Variants in PRKD3 observed in about 807,000 individuals in gnomAD.
PRKD3 encodes protein kinase D3.
Under a neutral mutation model 99.2 loss-of-function variants are expected in PRKD3, and 47 were observed. That is an observed-to-expected ratio of 0.47 (90% CI 0.38 to 0.60). PRKD3 has a LOEUF of 0.60. Ranked by LOEUF, PRKD3 falls within the 20% of genes least tolerant of loss-of-function variation. PRKD3 has a pLI of 0.00. For missense variants in PRKD3, 1,019 were observed against 1,088.4 expected (o/e 0.94, Z 0.90); for synonymous variants, 392 against 355.4 (o/e 1.10, Z -1.16).
chr2:37,293,315 T>A (rs1361704887), intron 2 of PRKD3, 44 bp from the exon 3 acceptor site: 1 of 1,459,290 alleles, frequency 6.9e-7, no homozygotes, highest in Admixed American at 2.0e-5. Flanking sequence ...CAGTTTTCTA[T>A]TTTTATAAGT....
rs1254032061 is a variant in PRKD3, at chr2:37,252,202, G to GTT, written c.*973_*974dup. 1 of 152,134 alleles carries GTT rather than the reference G, an allele frequency of 6.6e-6. No individual in the cohort carries two copies. Among genetic ancestry groups the GTT allele is most frequent in the Non-Finnish European group, 1.5e-5 (1 of 68,042 alleles). 9.4% of individuals were successfully genotyped at this position (152,134 alleles called of 1,614,324 possible). On this transcript the variant is annotated 3_prime_UTR_variant, in exon 19 of 19. Transcript: ENST00000234179. ...TAGGGGAAGGAGAAAAAAGGATACTGTTTGCTATACAGTAACTGTAGCATT... is the reference window on the plus strand; with the variant it reads ...TAGGGGAAGGAGAAAAAAGGATACTGTTTTTGCTATACAGTAACTGTAGCATT...
intron 1 of PRKD3, chr2:37,324,155 A>T: frequency 1.0e-6 from 1 of 985,006 alleles, no homozygotes; most frequent in Non-Finnish European, 1.2e-6. Flanking sequence ...CAGTCGGGAT[A>T]CTGGGGCGAG....
At chr2:37,322,437 A>G (rs1387865621) in intron 1 of PRKD3, among the ~76,000 whole-genome samples, 1 of 152,162 alleles carries the variant, frequency 6.6e-6, no homozygotes, top group Middle Eastern at 3.2e-3. Flanking sequence ...TGACAGTTGA[A>G]TCTCAGTCCT....
intron 17 of PRKD3, 57 bp from the exon 18 acceptor site, chr2:37,254,346 T>G: frequency 7.4e-7 from 1 of 1,360,402 alleles, no homozygotes; most frequent in Non-Finnish European, 1.1e-6. Context: ...TACCCCAAAC[T>G]TGTGACTGCC....
chr2:37,292,936 G>A (rs11683872), intron 3 of PRKD3, 197 bp downstream of exon 3: 210 of 488,326 alleles, frequency 4.3e-4, no homozygotes, highest in African/African-American at 3.8e-3. Flanking sequence ...GTGAGCCACC[G>A]TTGCCAGGTA....
intron 2 of PRKD3, among the ~76,000 whole-genome samples, chr2:37,299,163 T>G (rs1670802428): frequency 6.6e-6 from 1 of 152,190 alleles, no homozygotes; most frequent in Non-Finnish European, 1.5e-5. Context: ...ACTGAATGTT[T>G]TTTTGGCATC....
intron 10 of PRKD3, among the ~76,000 whole-genome samples, chr2:37,275,325 C>T (rs1435287902): frequency 1.3e-5 from 2 of 151,976 alleles, no homozygotes; most frequent in Admixed American, 6.6e-5. Context: ...TGTGGCAAAA[C>T]GTGGAATAAG....
chr2:37,281,841 A>C (rs1669871216), intron 7 of PRKD3, among the ~76,000 whole-genome samples: 1 of 152,218 alleles, frequency 6.6e-6, no homozygotes. Flanking sequence ...CCAGTCATGT[A>C]AATTGTTAAA....
At chr2:37,324,378 G>C (rs959124447) in intron 1 of PRKD3, 1 of 235,572 alleles carries the variant, frequency 4.2e-6, no homozygotes, top group Non-Finnish European at 6.9e-6. Context: ...GTTGCCCTCC[G>C]CGCGGACGCC....
chr2:37,293,122 C>T lies in PRKD3; in HGVS notation c.427+11G>A. The T allele has an allele frequency of 6.4e-7, 1 of 1,550,502 alleles. No individual in the cohort carries two copies. Among genetic ancestry groups the T allele is most frequent in the Non-Finnish European group, 8.8e-7 (1 of 1,133,300 alleles). ...GGAAAAGGCAATCACTCTAAAAAGC[C>T]ACTTACTTACCTGAAAGAACCACTT... On this transcript the variant is annotated intron_variant, in intron 3 of 18. Transcript: ENST00000234179.
In PRKD3 at chr2:37,279,835, T is replaced by G; in HGVS notation, c.1083A>C (p.Glu361Asp). The G allele has an allele frequency of 6.2e-7, 1 of 1,613,672 alleles. No individual in the cohort carries two copies. The highest frequency in any genetic ancestry group is 8.5e-7 in the Non-Finnish European group (1 of 1,179,668). The change falls in exon 8 of 19, where the codon GAA becomes GAC. Residue 361 changes from glutamate (E) to aspartate (D), a missense_variant. Physicochemically the swap from Glu to Asp is conservative, Grantham distance 45. This residue lies in a region of PRKD3 where 710 missense variants were observed against 692.7 expected (regional missense o/e 1.02). Coordinates refer to ENST00000234179, the MANE Select transcript of PRKD3 (RefSeq NM_005813.6). ...TCTTATCTTCTGGGGGTGATGGCTC[T>G]TCTGTGTCATCCAAACCCCGACTAC... ...SDSSRGLDDT[E>D]EPSPPEDKMF...
chr2:37,302,604 T>C (rs6749793), intron 2 of PRKD3, among the ~76,000 whole-genome samples: 6,823 of 152,334 alleles, frequency 0.045, 169 homozygotes, highest in African/African-American at 0.052. Flanking sequence ...GTCAGTAAAA[T>C]GTCAGGCAAG....
chr2:37,252,514 T>A lies in PRKD3; in HGVS notation c.*663A>T, dbSNP rs1667577311. 6.6e-6 allele frequency: 1 copy of A among 152,202 alleles called. No individual in the cohort carries two copies. Among genetic ancestry groups the A allele is most frequent in the African/African-American group, 2.4e-5 (1 of 41,444 alleles). The allele number at this position is 152,202 out of a possible 1,614,324, so 9.4% of individuals were successfully genotyped here. A position where few individuals can be genotyped will look rare whatever the true frequency, so the allele number is the denominator to read the frequency against. The stretch of plus-strand genomic sequence containing the variant: ...AGAAGGTGACAATCCTTATGCTGTA[T>A]AGAACATATTCAGAGTAGCAGAGCA... On this transcript the variant is annotated 3_prime_UTR_variant, in exon 19 of 19. Transcript: ENST00000234179.
intron 7 of PRKD3, 71 bp downstream of exon 7, chr2:37,282,471 T>C: frequency 1.0e-6 from 1 of 995,044 alleles, no homozygotes; most frequent in Non-Finnish European, 1.6e-6. Context: ...CAGAACCTTA[T>C]CCAAAGATAA....
intron 10 of PRKD3, 102 bp from the exon 11 acceptor site, chr2:37,274,799 A>C: frequency 1.8e-6 from 2 of 1,137,084 alleles, no homozygotes; most frequent in Admixed American, 2.3e-5. Context: ...AATGCCATTA[A>C]GACGGACACA....
rs1218925387 is a variant in PRKD3, at chr2:37,257,043, T to A, written c.2146-114A>T. 1.7e-5 allele frequency: 19 copies of A among 1,147,180 alleles called. No individual in the cohort carries two copies. In the Admixed American group the frequency reaches 1.7e-4, roughly 10 times the overall value. The allele number at this position is 1,147,180 out of a possible 1,614,324, so 71.1% of individuals were successfully genotyped here. A position where few individuals can be genotyped will look rare whatever the true frequency, so the allele number is the denominator to read the frequency against. On this transcript the variant is annotated intron_variant, in intron 16 of 18. Transcript: ENST00000234179. Reference sequence around the variant, plus strand: ...CAACATACTTGCCAGCTCTACTGATTATGAATATTAATCACAGATAAGGAA... The same window carrying A: ...CAACATACTTGCCAGCTCTACTGATAATGAATATTAATCACAGATAAGGAA...
rs114918179 is a variant in PRKD3, at chr2:37,282,485, A to C, written c.988+57T>G. The C allele has an allele frequency of 1.3e-4, 148 of 1,105,714 alleles. 1 individual carries two copies. The Admixed American group carries it at 2.8e-3, about 21-fold the overall frequency. The allele number at this position is 1,105,714 out of a possible 1,614,324, so 68.5% of individuals were successfully genotyped here. On this transcript the variant is annotated intron_variant, in intron 7 of 18. Transcript: ENST00000234179. ...ACAGAACCTTATCCAAAGATAATAC[A>C]CCAAAGAATCATGGCCTTTTCTGAT...
intron 2 of PRKD3, among the ~76,000 whole-genome samples, chr2:37,294,762 A>T (rs1012746887): frequency 2.0e-5 from 3 of 152,088 alleles, no homozygotes; most frequent in African/African-American, 7.2e-5. Flanking sequence ...AGGACAAAGG[A>T]CTCCACATTC....
At chr2:37,265,091 T>C (rs1668747041) in intron 14 of PRKD3, among the ~76,000 whole-genome samples, 1 of 152,046 alleles carries the variant, frequency 6.6e-6, no homozygotes, top group South Asian at 2.1e-4. Flanking sequence ...GGGATGCAGG[T>C]AAAGGTATCA....
Sources: gnomAD v4.1 joint callset for allele counts (sites outside exome capture counted in the v4.1 genomes callset) on GRCh38, gnomAD v4.1.1 for gene constraint, gnomAD v4.1.1 regional missense constraint, MANE v1.5 for transcripts, NCBI Gene and HGNC (gene_info 2026-07-23, HGNC 2026-07-21) for gene names.